TFDP2: variants seen among roughly 807,000 people sequenced by gnomAD.
TFDP2 encodes the protein transcription factor Dp-2.
TFDP2 carries 17 observed loss-of-function variants against 59.3 expected under a neutral mutation model. That is an observed-to-expected ratio of 0.29 (90% confidence interval 0.20 to 0.43). The LOEUF is 0.43. Ranked by LOEUF, TFDP2 falls within the 20% of genes least tolerant of loss-of-function variation. The probability of loss-of-function intolerance (pLI) is 1.00; values close to 1 mark genes in which losing one functional copy is unlikely to be tolerated. For missense variants in TFDP2, 391 were observed against 528.8 expected (o/e 0.74, Z 2.56); for synonymous variants, 180 against 194.7 (o/e 0.92, Z 0.63).
intron 8 of TFDP2, among the ~76,000 whole-genome samples, 179 bp from the exon 9 acceptor site, chr3:141,970,320 CACA>C (rs1251543555): frequency 3.9e-5 from 6 of 152,124 alleles, no homozygotes; most frequent in Non-Finnish European, 8.8e-5. Flanking sequence ...AACAAGTAGA[CACA>C]ACATCAGATC....
chr3:142,019,653 C>CCCT (rs1553778382), intron 3 of TFDP2, among the ~76,000 whole-genome samples: 1 of 150,900 alleles, frequency 6.6e-6, no homozygotes, highest in Non-Finnish European at 1.5e-5. Context: ...AAACACCCCC[C>CCCT]CCAACATCTT....
intron 1 of TFDP2, among the ~76,000 whole-genome samples, chr3:142,140,474 T>C (rs2062907545): frequency 6.6e-6 from 1 of 152,214 alleles, no homozygotes; most frequent in Non-Finnish European, 1.5e-5. Context: ...GCTTTTCTGC[T>C]CTGGTTTCTC....
chr3:141,996,988 A>G (rs1353116189), intron 4 of TFDP2, among the ~76,000 whole-genome samples: 1 of 152,212 alleles, frequency 6.6e-6, no homozygotes, highest in African/African-American at 2.4e-5. Context: ...AAACATAAAA[A>G]CAGACAATGT....
chr3:142,128,669 A>G (rs914369705), intron 1 of TFDP2, among the ~76,000 whole-genome samples: 11 of 152,174 alleles, frequency 7.2e-5, no homozygotes, highest in Admixed American at 7.2e-4. Context: ...AAGAAAGAAA[A>G]AAGAGAAGGA....
intron 1 of TFDP2, among the ~76,000 whole-genome samples, chr3:142,141,091 C>G (rs1317771496): frequency 1.3e-5 from 2 of 152,216 alleles, no homozygotes; most frequent in African/African-American, 4.8e-5. Flanking sequence ...ACCCCTCCCC[C>G]AACCCGGCTG....
At chr3:141,991,940 G>T (rs142731058) in intron 6 of TFDP2, among the ~76,000 whole-genome samples, 6 of 151,894 alleles carry the variant, frequency 4.0e-5, no homozygotes, top group Non-Finnish European at 7.4e-5. Context: ...TACTCTGGAG[G>T]CTAAGACAGG....
chr3:142,017,038 C>T (rs1054381651), intron 3 of TFDP2, among the ~76,000 whole-genome samples: 3 of 152,186 alleles, frequency 2.0e-5, no homozygotes, highest in African/African-American at 7.2e-5. Flanking sequence ...TCTCCTCTGC[C>T]TGTAATCCTC....
chr3:142,118,761 C>A (rs1202703164), intron 1 of TFDP2, among the ~76,000 whole-genome samples: 1 of 151,592 alleles, frequency 6.6e-6, no homozygotes, highest in Non-Finnish European at 1.5e-5. Flanking sequence ...TTAAAAAAAA[C>A]AGAGAGAAAT....
chr3:142,048,780 G>A (rs1947471346), intron 3 of TFDP2, among the ~76,000 whole-genome samples: 1 of 152,060 alleles, frequency 6.6e-6, no homozygotes. Context: ...TGCTCAGGCT[G>A]GTCTCAAACT....
chr3:141,974,278 C>T, intron 7 of TFDP2, 87 bp from the exon 8 acceptor site: 1 of 1,158,690 alleles, frequency 8.6e-7, no homozygotes, highest in East Asian at 2.8e-5. Flanking sequence ...AATATTACAA[C>T]TTCAAAGTGC....
chr3:141,954,904 G>A (rs1042847733), intron 11 of TFDP2, among the ~76,000 whole-genome samples: 18 of 151,902 alleles, frequency 1.2e-4, no homozygotes, highest in Non-Finnish European at 2.4e-4. Context: ...TCCCACGTAG[G>A]AAAAAAGTAA....
intron 3 of TFDP2, among the ~76,000 whole-genome samples, chr3:142,024,832 C>T (rs1945937776): frequency 6.6e-6 from 1 of 151,962 alleles, no homozygotes; most frequent in Non-Finnish European, 1.5e-5. Context: ...CCAGCCTGGC[C>T]AACATGGTGA....
At chr3:142,021,476 G>C (rs1322254214) in intron 3 of TFDP2, among the ~76,000 whole-genome samples, 2 of 152,118 alleles carry the variant, frequency 1.3e-5, no homozygotes, top group Non-Finnish European at 2.9e-5. Flanking sequence ...AATATTAAGT[G>C]TATTTATAGC....
At chr3:142,032,576 A>G (rs993162493) in intron 3 of TFDP2, among the ~76,000 whole-genome samples, 10 of 152,184 alleles carry the variant, frequency 6.6e-5, no homozygotes, top group Non-Finnish European at 1.5e-4. Context: ...ACTCTTCTTT[A>G]GATGCCTATT....
At position 141,952,460 on chromosome 3, in the gene TFDP2, C is replaced by G; in HGVS notation, c.*53G>C. ...CAATCATTTCAAAAACAAGAGCTCA[C>G]ACTACAAACACACATGAGCATCACA... On this transcript the variant is annotated 3_prime_UTR_variant, in exon 13 of 13. Coordinates refer to ENST00000489671, the MANE Select transcript of TFDP2 (RefSeq NM_001178139.2). 1 of 1,446,110 alleles carries G rather than the reference C, an allele frequency of 6.9e-7. No individual in the cohort carries two copies. Among genetic ancestry groups the G allele is most frequent in the Non-Finnish European group, 9.1e-7 (1 of 1,096,602 alleles). The allele number at this position is 1,446,110 out of a possible 1,614,324, so 89.6% of individuals were successfully genotyped here. A position where few individuals can be genotyped will look rare whatever the true frequency, so the allele number is the denominator to read the frequency against.
At chr3:141,971,610 G>A (rs1939771762) in intron 8 of TFDP2, among the ~76,000 whole-genome samples, 1 of 151,826 alleles carries the variant, frequency 6.6e-6, no homozygotes, top group African/African-American at 2.4e-5. Flanking sequence ...CCTGCACTAA[G>A]CTCAACAGAC....
intron 3 of TFDP2, among the ~76,000 whole-genome samples, chr3:142,042,630 C>CTTTTTTTTTTTTT (rs66981475): frequency 1.8e-4 from 19 of 108,180 alleles, no homozygotes; most frequent in East Asian, 2.7e-4. Context: ...CTTTTCTTTT[C>CTTTTTTTTTTTTT]TTTTTTTTTT....
intron 3 of TFDP2, among the ~76,000 whole-genome samples, chr3:142,059,697 A>AGAG (rs1249177856): frequency 6.6e-6 from 1 of 152,116 alleles, no homozygotes; most frequent in Non-Finnish European, 1.5e-5. Context: ...CTCCTGCCTC[A>AGAG]GCCTCCTGAG....
At position 141,969,536 on chromosome 3, in the gene TFDP2, C is replaced by T. The variant is rs1460431233; in HGVS notation, c.732+537G>A. Among the ~76,000 whole-genome samples, 6 of 151,626 alleles carry T rather than the reference C, an allele frequency of 4.0e-5. No individual in the cohort carries two copies. In the East Asian group the frequency reaches 9.7e-4, roughly 24 times the overall value. ...GCTGAGGCAGAGAATGGCTTGAACC[C>T]GGGAGGCAGAGGTTACAGTGAGCCA... On this transcript the variant is annotated intron_variant, in intron 9 of 12. Coordinates refer to ENST00000489671, the MANE Select transcript of TFDP2 (RefSeq NM_001178139.2).
Sources: allele counts gnomAD v4.1 joint callset (sites outside exome capture counted in the v4.1 genomes callset), GRCh38; gene constraint gnomAD v4.1.1; transcripts MANE v1.5; gene names NCBI Gene and HGNC (gene_info 2026-07-23, HGNC 2026-07-21).